AIG1: variants seen among roughly 807,000 people sequenced by gnomAD.
The protein encoded by AIG1 is androgen-induced gene 1 protein.
In AIG1, 23 loss-of-function variants were observed where a neutral mutation model predicts 31.4. The observed-to-expected ratio is 0.73, with a 90% CI of 0.53 to 1.04. The LOEUF is 1.04. Ranked by LOEUF, AIG1 falls within the 50% of genes least tolerant of loss-of-function variation. The probability of loss-of-function intolerance (pLI) is 0.00; values close to 1 mark genes in which losing one functional copy is unlikely to be tolerated. For synonymous variants in AIG1, 100 were observed against 110.5 expected, an observed-to-expected ratio of 0.90 and a Z score of 0.60; for missense variants, 274 against 295.0, an observed-to-expected ratio of 0.93 and a Z score of 0.52.
At chr6:143,084,229 A>G (rs2128470874) in intron 1 of AIG1, among the ~76,000 whole-genome samples, 1 of 152,260 alleles carries the variant, frequency 6.6e-6, no homozygotes. Context: ...CTACCGGCTC[A>G]TGTGGTTAGT....
At chr6:143,283,206 G>A (rs1583728426) in intron 3 of AIG1, among the ~76,000 whole-genome samples, 1 of 152,158 alleles carries the variant, frequency 6.6e-6, no homozygotes, top group Non-Finnish European at 1.5e-5. Context: ...CTTACCTATA[G>A]ATGGGATAAA....
At chr6:143,309,969 A>G (rs536363732) in intron 4 of AIG1, among the ~76,000 whole-genome samples, 2 of 151,994 alleles carry the variant, frequency 1.3e-5, no homozygotes, top group African/African-American at 2.4e-5. Flanking sequence ...GTATATGCAC[A>G]TAACAACAGA....
At chr6:143,276,084 A>C (rs1006403682) in intron 3 of AIG1, among the ~76,000 whole-genome samples, 1 of 152,210 alleles carries the variant, frequency 6.6e-6, no homozygotes, top group Non-Finnish European at 1.5e-5. Flanking sequence ...AGGATTCAGC[A>C]AGAGATAGTT....
At chr6:143,208,452 G>A (rs934807886) in intron 3 of AIG1, among the ~76,000 whole-genome samples, 11 of 152,172 alleles carry the variant, frequency 7.2e-5, no homozygotes, top group Admixed American at 2.0e-4. Context: ...AAGAAGGAAA[G>A]TGACACATAT....
At chr6:143,206,685 A>C (rs1015488840) in intron 3 of AIG1, among the ~76,000 whole-genome samples, 1 of 152,230 alleles carries the variant, frequency 6.6e-6, no homozygotes, top group South Asian at 2.1e-4. Flanking sequence ...CAAAAACAAA[A>C]CAAAAAAGCA....
At chr6:143,100,917 T>C (rs950174350) in intron 1 of AIG1, among the ~76,000 whole-genome samples, 41 of 152,108 alleles carry the variant, frequency 2.7e-4, no homozygotes, top group Non-Finnish European at 1.5e-5. Context: ...ACTCCTGACC[T>C]CAAGTGATCC....
chr6:143,211,715 A>G (rs1368489526), intron 3 of AIG1, among the ~76,000 whole-genome samples: 1 of 152,150 alleles, frequency 6.6e-6, no homozygotes, highest in Non-Finnish European at 1.5e-5. Flanking sequence ...CAAGATGGTG[A>G]AATCCTGTCT....
At chr6:143,082,276 C>T (rs529428320) in intron 1 of AIG1, among the ~76,000 whole-genome samples, 3 of 152,250 alleles carry the variant, frequency 2.0e-5, no homozygotes, top group East Asian at 1.9e-4. Flanking sequence ...CTGCGTAAGC[C>T]GCCTTTCGAA....
chr6:143,067,199 T>C (rs1225235426), intron 1 of AIG1, among the ~76,000 whole-genome samples: 2 of 152,098 alleles, frequency 1.3e-5, no homozygotes, highest in Non-Finnish European at 2.9e-5. Flanking sequence ...TTGGTTAGCA[T>C]AGTAGATAAT....
At chr6:143,087,903 T>C (rs1336994916) in intron 1 of AIG1, among the ~76,000 whole-genome samples, 1 of 152,214 alleles carries the variant, frequency 6.6e-6, no homozygotes, top group Non-Finnish European at 1.5e-5. Flanking sequence ...CAATTTCCTG[T>C]TTAGTAGATT....
At chr6:143,321,569 C>T (rs1049922602) in intron 4 of AIG1, among the ~76,000 whole-genome samples, 3 of 150,932 alleles carry the variant, frequency 2.0e-5, no homozygotes, top group Admixed American at 6.6e-5. Context: ...CCAGCCTGGG[C>T]GACAAGAGGA....
chr6:143,229,784 C>CAAAAAAAAAA lies in AIG1; in HGVS notation c.400-54315_400-54306dup, dbSNP rs751464049. ...GCCTCTCGTTTCTGGACTCTCAGAACAAAAAAAAAAAAAAAAAAAAGGATC... is the reference window on the plus strand; with the variant it reads ...GCCTCTCGTTTCTGGACTCTCAGAACAAAAAAAAAAAAAAAAAAAAAAAAAAAAAAGGATC... On this transcript the variant is annotated intron_variant, in intron 3 of 5. Coordinates refer to ENST00000357847, the MANE Select transcript of AIG1 (RefSeq NM_016108.4). Among the ~76,000 whole-genome samples, 6 of 80,684 alleles carry CAAAAAAAAAA rather than the reference C, an allele frequency of 7.4e-5. 2 individuals carry two copies. Among genetic ancestry groups the CAAAAAAAAAA allele is most frequent in the Non-Finnish European group, 1.4e-4 (5 of 34,926 alleles). The allele number at this position is 80,684 out of a possible 152,430, so 52.9% of individuals were successfully genotyped here.
In AIG1 at chr6:143,280,890, TTC is replaced by T. The variant is rs1182396640; in HGVS notation, c.400-3218_400-3217del. Among the ~76,000 whole-genome samples, 1 of 152,172 alleles carries T rather than the reference TTC, an allele frequency of 6.6e-6. No individual in the cohort carries two copies. The highest frequency in any genetic ancestry group is 1.9e-4 in the East Asian group (1 of 5,198). On this transcript the variant is annotated intron_variant, in intron 3 of 5. Transcript: ENST00000357847. The surrounding 1 kb of genome is among the most constrained non-coding windows in gnomAD (Gnocchi z 4.1). The stretch of plus-strand genomic sequence containing the variant: ...ATCTAAAATAAAAGTTAAAAAAAAG[TTC>T]TGACTTTATGCTAGCTAATGTTATT...
At chr6:143,276,731 G>A (rs187225542) in intron 3 of AIG1, among the ~76,000 whole-genome samples, 1 of 152,198 alleles carries the variant, frequency 6.6e-6, no homozygotes, top group East Asian at 1.9e-4. Context: ...AGGAAGGGAG[G>A]GAGGGAGGGT....
intron 4 of AIG1, among the ~76,000 whole-genome samples, chr6:143,322,793 G>C (rs889273821): frequency 3.3e-5 from 5 of 152,168 alleles, no homozygotes; most frequent in African/African-American, 1.2e-4. Flanking sequence ...CCTCATTACA[G>C]GAATTCATTC....
chr6:143,231,139 A>G (rs535164601), intron 3 of AIG1, among the ~76,000 whole-genome samples: 2 of 152,364 alleles, frequency 1.3e-5, no homozygotes, highest in South Asian at 4.1e-4. Context: ...TACAGATATA[A>G]GAGATTATAA....
chr6:143,086,624 C>T (rs71564427), intron 1 of AIG1, among the ~76,000 whole-genome samples: 6,107 of 152,162 alleles, frequency 0.04, 180 homozygotes, highest in Non-Finnish European at 0.059. Flanking sequence ...GCCTAGGGCC[C>T]TAAGGACACA....
intron 1 of AIG1, among the ~76,000 whole-genome samples, chr6:143,097,946 C>T (rs1478746520): frequency 6.6e-6 from 1 of 152,210 alleles, no homozygotes; most frequent in East Asian, 1.9e-4. Flanking sequence ...CTCATACCTA[C>T]TCGAGCATTT....
In AIG1 at chr6:143,276,071, A is replaced by T. The variant is rs567406494; in HGVS notation, c.400-8039A>T. On this transcript the variant is annotated intron_variant, in intron 3 of 5. Transcript: ENST00000357847. ...CCCTTAGCACCTCCTGGGTGTCCTC[A>T]TTAGGATTCAGCAAGAGATAGTTAC... Among the ~76,000 whole-genome samples the T allele has an allele frequency of 4.5e-3, 687 of 152,324 alleles. 2 individuals carry two copies. The highest frequency in any genetic ancestry group is 7.0e-3 in the Non-Finnish European group (476 of 68,026).
Sources: allele counts gnomAD v4.1 joint callset (sites outside exome capture counted in the v4.1 genomes callset), GRCh38; gene constraint gnomAD v4.1.1; non-coding constraint Gnocchi (gnomAD v3.1); transcripts MANE v1.5; gene names NCBI Gene and HGNC (gene_info 2026-07-23, HGNC 2026-07-21).